The following XKR9 variants were observed in gnomAD, a reference collection of about 807,000 sequenced individuals.
XKR9 encodes the protein XK related 9.
XKR9 carries 32 observed loss-of-function variants against 32.0 expected under a neutral mutation model. The ratio of observed to expected loss-of-function variants is 1.00; its 90% CI spans 0.76 to 1.34. XKR9 has a LOEUF of 1.34. Among genes scored for constraint, XKR9 ranks in the 40% most tolerant of loss-of-function variants. The probability of loss-of-function intolerance (pLI) is 0.00; values close to 1 mark genes in which losing one functional copy is unlikely to be tolerated. For missense variants in XKR9, 546 were observed against 429.7 expected (o/e 1.27, Z -2.39); for synonymous variants, 168 against 143.4 (o/e 1.17, Z -1.22).
chr8:71,048,232 G>A, the XKR9 span, among the ~76,000 whole-genome samples: 1 of 152,116 alleles, frequency 6.6e-6, no homozygotes, highest in South Asian at 2.1e-4. Flanking sequence ...CCTAACTTAA[G>A]TAATAAAACT....
the XKR9 span, among the ~76,000 whole-genome samples, chr8:70,834,823 A>G: frequency 6.6e-6 from 1 of 152,134 alleles, no homozygotes; most frequent in African/African-American, 2.4e-5. Context: ...GTTGCTTAGA[A>G]CTAGTTTTGA....
intron 2 of XKR9, among the ~76,000 whole-genome samples, chr8:70,749,153 G>C (rs1332112413): frequency 6.6e-6 from 1 of 152,258 alleles, no homozygotes; most frequent in African/African-American, 2.4e-5. Context: ...CTGTCACTCA[G>C]TGAAGATCTT....
chr8:70,754,124 GACAA>G (rs1293840107), intron 2 of XKR9, among the ~76,000 whole-genome samples: 5 of 142,536 alleles, frequency 3.5e-5, no homozygotes, highest in African/African-American at 5.1e-5. Flanking sequence ...ACCAATAACA[GACAA>G]ACAGAGAGCC....
At chr8:70,753,387 AAG>A (rs1807170672) in intron 2 of XKR9, among the ~76,000 whole-genome samples, 1 of 151,984 alleles carries the variant, frequency 6.6e-6, no homozygotes, top group African/African-American at 2.4e-5. Context: ...TCAATAGAAA[AAG>A]AGGGAATCCT....
At chr8:70,894,674 C>T in the XKR9 span, among the ~76,000 whole-genome samples, 2 of 152,090 alleles carry the variant, frequency 1.3e-5, no homozygotes, top group African/African-American at 4.8e-5. Flanking sequence ...ACCAAGGCAC[C>T]ATTTCTTAGG....
chr8:70,694,603 C>A (rs1805195211), intron 3 of XKR9, among the ~76,000 whole-genome samples: 1 of 152,178 alleles, frequency 6.6e-6, no homozygotes, highest in African/African-American at 2.4e-5. Context: ...CTCTCCAAAG[C>A]CTGAAGGCTA....
At chr8:70,884,441 TTATCACC>T in the XKR9 span, among the ~76,000 whole-genome samples, 2 of 152,192 alleles carry the variant, frequency 1.3e-5, no homozygotes, top group Non-Finnish European at 2.9e-5. Flanking sequence ...ATCTAAAACA[TTATCACC>T]TATCCCAACA....
the XKR9 span, among the ~76,000 whole-genome samples, chr8:70,838,530 C>T: frequency 3.2e-4 from 48 of 152,086 alleles, 1 homozygote; most frequent in African/African-American, 1.1e-3. Flanking sequence ...ACAAGCCTGC[C>T]AGATAGGTGT....
intron 3 of XKR9, among the ~76,000 whole-genome samples, chr8:70,689,481 A>G (rs1348308408): frequency 6.8e-6 from 1 of 147,978 alleles, no homozygotes; most frequent in Non-Finnish European, 1.5e-5. Flanking sequence ...ATATATATGT[A>G]TTTTTTATAT....
the XKR9 span, among the ~76,000 whole-genome samples, chr8:70,861,514 G>A: frequency 6.6e-6 from 1 of 151,682 alleles, no homozygotes; most frequent in Non-Finnish European, 1.5e-5. Context: ...GTGCAGTGTA[G>A]TAGTGTGCAC....
the XKR9 span, among the ~76,000 whole-genome samples, chr8:70,833,951 CA>C: frequency 6.6e-6 from 1 of 152,106 alleles, no homozygotes; most frequent in East Asian, 1.9e-4. Context: ...TAAAGATTAT[CA>C]TGTAATAATT....
At chr8:70,993,339 C>T in the XKR9 span, among the ~76,000 whole-genome samples, 5 of 152,086 alleles carry the variant, frequency 3.3e-5, no homozygotes, top group African/African-American at 1.2e-4. Flanking sequence ...ATTGACTTTA[C>T]TCTTCTTGTT....
the XKR9 span, among the ~76,000 whole-genome samples, chr8:70,881,327 C>G: frequency 6.6e-6 from 1 of 152,082 alleles, no homozygotes. Context: ...TCAGAGTAAA[C>G]AAGCAACTTA....
chr8:70,870,710 A>G, the XKR9 span, among the ~76,000 whole-genome samples: 23 of 152,200 alleles, frequency 1.5e-4, no homozygotes, highest in African/African-American at 5.3e-4. Flanking sequence ...TGACTATAGA[A>G]TAATCCAAGA....
the XKR9 span, among the ~76,000 whole-genome samples, chr8:70,878,652 A>G: frequency 6.6e-6 from 1 of 152,182 alleles, no homozygotes; most frequent in African/African-American, 2.4e-5. Context: ...CAGATTCATA[A>G]AGCAAGTCCT....
the XKR9 span, among the ~76,000 whole-genome samples, chr8:70,969,993 C>G: frequency 1.3e-5 from 2 of 152,098 alleles, no homozygotes; most frequent in Non-Finnish European, 2.9e-5. Flanking sequence ...TGAGAACACA[C>G]GATGTTTGAT....
At chr8:70,736,613 A>G (rs545474968), downstream of XKR9, among the ~76,000 whole-genome samples, 90 of 152,210 alleles carry the variant, frequency 5.9e-4, no homozygotes, top group East Asian at 5.8e-3. Context: ...CTAACATTTA[A>G]GTCTTTAATC....
chr8:70,890,257 T>A, the XKR9 span, among the ~76,000 whole-genome samples: 1 of 151,946 alleles, frequency 6.6e-6, no homozygotes, highest in African/African-American at 2.4e-5. Flanking sequence ...TGTAAACAAT[T>A]GACAATTTGA....
At chr8:70,710,378 T>G (rs940584773) in intron 4 of XKR9, among the ~76,000 whole-genome samples, 6 of 152,160 alleles carry the variant, frequency 3.9e-5, no homozygotes, top group Admixed American at 2.0e-4. Flanking sequence ...GACATAGGCC[T>G]TGGCAAAGAT....
Sources: gnomAD v4.1 joint callset for allele counts (sites outside exome capture counted in the v4.1 genomes callset) on GRCh38, gnomAD v4.1.1 for gene constraint, MANE v1.5 for transcripts, NCBI Gene and HGNC (gene_info 2026-07-23, HGNC 2026-07-21) for gene names.